The following PAX3 variants were observed in gnomAD, a reference collection of about 807,000 sequenced individuals.
PAX3 encodes paired box 3.
In PAX3, 14 loss-of-function variants were observed where a neutral mutation model predicts 51.6. That is an observed-to-expected ratio of 0.27 (90% CI 0.18 to 0.42). The LOEUF (loss-of-function observed/expected upper bound fraction) is 0.42. Ranked by LOEUF, PAX3 falls within the 10% of genes least tolerant of loss-of-function variation. PAX3 has a pLI of 1.00. For missense variants in PAX3, 540 were observed against 642.8 expected (o/e 0.84, Z 1.73); for synonymous variants, 280 against 253.4 (o/e 1.11, Z -1.00).
At chr2:222,217,587 G>A (rs1052031751) in intron 7 of PAX3, among the ~76,000 whole-genome samples, 2 of 150,394 alleles carry the variant, frequency 1.3e-5, no homozygotes, top group Non-Finnish European at 3.0e-5. Flanking sequence ...TAAGTAGTGA[G>A]GAAAAGGAGA....
chr2:222,254,655 A>G (rs1693568340), intron 4 of PAX3, among the ~76,000 whole-genome samples: 1 of 152,182 alleles, frequency 6.6e-6, no homozygotes, highest in Non-Finnish European at 1.5e-5. Context: ...TTAATAAATG[A>G]TTATTTCATA....
At chr2:222,296,371 C>T (rs553035667) in intron 2 of PAX3, among the ~76,000 whole-genome samples, 135 of 152,326 alleles carry the variant, frequency 8.9e-4, no homozygotes, top group African/African-American at 3.1e-3. Context: ...TTCCCTCCCA[C>T]TCAGCCCTAG....
At chr2:222,289,485 G>A (rs1394030650) in intron 4 of PAX3, among the ~76,000 whole-genome samples, 1 of 152,164 alleles carries the variant, frequency 6.6e-6, no homozygotes, top group Non-Finnish European at 1.5e-5. Flanking sequence ...CACCGCCCGG[G>A]TGGGTTTTAT....
At chr2:222,296,938 C>T in intron 2 of PAX3, 40 bp downstream of exon 2, 1 of 1,531,878 alleles carries the variant, frequency 6.5e-7, no homozygotes, top group Non-Finnish European at 8.9e-7. Context: ...CACAGGGGAC[C>T]ACAGTCTGGG....
intron 4 of PAX3, among the ~76,000 whole-genome samples, chr2:222,244,333 C>T (rs776296584): frequency 6.6e-6 from 1 of 152,124 alleles, no homozygotes; most frequent in Admixed American, 6.6e-5. Flanking sequence ...CTTCAAATAC[C>T]CAGATGGCCC....
At chr2:222,296,250 A>G (rs1342794610) in intron 2 of PAX3, among the ~76,000 whole-genome samples, 1 of 152,258 alleles carries the variant, frequency 6.6e-6, no homozygotes, top group African/African-American at 2.4e-5. Flanking sequence ...AGGCTGTGAA[A>G]GTGTTTCAGT....
intron 4 of PAX3, among the ~76,000 whole-genome samples, chr2:222,238,339 T>A (rs1357767456): frequency 6.6e-6 from 1 of 152,210 alleles, no homozygotes; most frequent in Non-Finnish European, 1.5e-5. Flanking sequence ...TTAACACTAT[T>A]ATACATGAAA....
chr2:222,209,348 A>G (rs1265199312), intron 7 of PAX3, among the ~76,000 whole-genome samples: 1 of 152,178 alleles, frequency 6.6e-6, no homozygotes, highest in Non-Finnish European at 1.5e-5. Context: ...GAAGGAAGGT[A>G]CATCCTTAAG....
At chr2:222,216,703 C>T (rs1006744375) in intron 7 of PAX3, among the ~76,000 whole-genome samples, 2 of 148,168 alleles carry the variant, frequency 1.3e-5, no homozygotes, top group Admixed American at 6.9e-5. Flanking sequence ...TACACATACA[C>T]AAACACACAC....
chr2:222,204,575 G>A (rs1339060182), intron 7 of PAX3, among the ~76,000 whole-genome samples: 2 of 152,120 alleles, frequency 1.3e-5, no homozygotes, highest in Admixed American at 1.3e-4. Context: ...TTTCGTGTGT[G>A]ATCCTGATGG....
intron 4 of PAX3, among the ~76,000 whole-genome samples, chr2:222,240,010 C>T (rs1692949233): frequency 6.6e-6 from 1 of 152,066 alleles, no homozygotes; most frequent in Non-Finnish European, 1.5e-5. Context: ...CCAAGCCCTT[C>T]CCTCGGAAGC....
intron 7 of PAX3, among the ~76,000 whole-genome samples, chr2:222,210,753 G>A (rs1691694175): frequency 6.6e-6 from 1 of 152,142 alleles, no homozygotes; most frequent in Non-Finnish European, 1.5e-5. Flanking sequence ...TGTCTAAGTA[G>A]AATACTTGAA....
intron 5 of PAX3, chr2:222,221,611 C>A: frequency 2.0e-6 from 1 of 507,782 alleles, no homozygotes; most frequent in Middle Eastern, 5.5e-4. Context: ...GATCTTGCAA[C>A]AACAGCCCCC....
chr2:222,240,112 A>G (rs1321505378), intron 4 of PAX3, among the ~76,000 whole-genome samples: 1 of 152,164 alleles, frequency 6.6e-6, no homozygotes, highest in African/African-American at 2.4e-5. Flanking sequence ...CTGACACTCA[A>G]CAACTCCCCG....
intron 4 of PAX3, chr2:222,293,847 C>T (rs888013956): frequency 3.7e-6 from 6 of 1,612,802 alleles, no homozygotes; most frequent in East Asian, 2.2e-5. Flanking sequence ...CAGTCTCATA[C>T]ATTTAATGGC....
intron 4 of PAX3, among the ~76,000 whole-genome samples, chr2:222,279,440 T>A (rs1694557527): frequency 6.6e-6 from 1 of 152,186 alleles, no homozygotes; most frequent in African/African-American, 2.4e-5. Flanking sequence ...TCACCTAAGG[T>A]CAGCCCACAG....
In PAX3 at chr2:222,298,679, C is replaced by A; in HGVS notation, c.-64G>T. 6.9e-7 allele frequency: 1 copy of A among 1,448,532 alleles called. No homozygotes were observed. 89.7% of individuals were successfully genotyped at this position (1,448,532 alleles called of 1,614,324 possible). On this transcript the variant is annotated 5_prime_UTR_variant, in exon 1 of 9. Transcript: ENST00000392070. ...AGGCGAAACGGAAAGGCGAGTGCGG[C>A]GCGGATGACCCTCGGGAACTATCCG...
chr2:222,220,074 C>A, intron 7 of PAX3, 66 bp downstream of exon 7: 1 of 1,358,278 alleles, frequency 7.4e-7, no homozygotes, highest in Non-Finnish European at 1.0e-6. Flanking sequence ...TACACTACTG[C>A]CTCAGGGAAT....
chr2:222,268,417 A>G (rs759193503), intron 4 of PAX3, among the ~76,000 whole-genome samples: 5 of 152,228 alleles, frequency 3.3e-5, no homozygotes, highest in African/African-American at 1.2e-4. Flanking sequence ...CCACACTAAT[A>G]GAAAGCAATC....
Sources: gnomAD v4.1 joint callset for allele counts (sites outside exome capture counted in the v4.1 genomes callset) on GRCh38, gnomAD v4.1.1 for gene constraint, MANE v1.5 for transcripts, NCBI Gene and HGNC (gene_info 2026-07-23, HGNC 2026-07-21) for gene names.